The following CPM variants were observed in gnomAD, a reference collection of about 807,000 sequenced individuals.
CPM encodes carboxypeptidase M.
In CPM, 35 loss-of-function variants were observed where a neutral mutation model predicts 46.4. That is an observed-to-expected ratio of 0.75 (90% CI 0.58 to 1.00). CPM has a LOEUF of 1.00. Among genes scored for constraint, CPM ranks in the 50% least tolerant of loss-of-function variants. The pLI is 0.00. For synonymous variants in CPM, 195 were observed against 195.3 expected, an observed-to-expected ratio of 1.00 and a Z score of 0.01; for missense variants, 422 against 530.4, an observed-to-expected ratio of 0.80 and a Z score of 2.01.
At chr12:68,962,690 T>G (rs949513648) in intron 1 of CPM, among the ~76,000 whole-genome samples, 1 of 152,232 alleles carries the variant, frequency 6.6e-6, no homozygotes, top group Non-Finnish European at 1.5e-5. Flanking sequence ...TGCCTCATTG[T>G]ACCCTCTTCC....
downstream of CPM, chr12:68,847,452 C>CTTTCTTTTTTTT (rs1555190285): frequency 1.1e-5 from 1 of 88,722 alleles, no homozygotes; most frequent in African/African-American, 5.6e-5. Flanking sequence ...TATCTCCTTT[C>CTTTCTTTTTTTT]TTTTTTTTTT....
At chr12:68,846,744 C>CT (rs1430607296), downstream of CPM, 4 of 152,084 alleles carry the variant, frequency 2.6e-5, no homozygotes, top group South Asian at 4.2e-4. Flanking sequence ...CTTTTCAAAC[C>CT]TTTTTTGCTT....
intron 2 of CPM, among the ~76,000 whole-genome samples, chr12:68,921,992 T>C (rs1391905724): frequency 1.3e-5 from 2 of 152,170 alleles, no homozygotes; most frequent in Non-Finnish European, 2.9e-5. Context: ...AGAGTATCTG[T>C]TACATGTAAT....
At chr12:68,950,078 G>C (rs1044578360) in intron 1 of CPM, among the ~76,000 whole-genome samples, 14 of 152,162 alleles carry the variant, frequency 9.2e-5, no homozygotes, top group African/African-American at 3.4e-4. Flanking sequence ...CTGGAGTGAG[G>C]GGGCAGACAG....
At chr12:68,873,289 A>C (rs753492396) in intron 3 of CPM, among the ~76,000 whole-genome samples, 31 of 152,206 alleles carry the variant, frequency 2.0e-4, no homozygotes, top group Non-Finnish European at 1.9e-4. Flanking sequence ...TCCTTGGATG[A>C]CCACTTCTCA....
At chr12:68,935,240 TTTATTG>T (rs984319575), upstream of CPM, among the ~76,000 whole-genome samples, 17 of 98,244 alleles carry the variant, frequency 1.7e-4, no homozygotes, top group Non-Finnish European at 2.6e-4. Flanking sequence ...GAGAAGTTGT[TTTATTG>T]TTTGTTTGTT....
chr12:68,905,123 T>C (rs914544889), intron 2 of CPM, among the ~76,000 whole-genome samples: 2 of 152,116 alleles, frequency 1.3e-5, no homozygotes, highest in Non-Finnish European at 1.5e-5. Context: ...TTGGCCAGGC[T>C]GGTCTTGAAC....
At chr12:68,913,785 C>G in intron 2 of CPM, 1 of 572,898 alleles carries the variant, frequency 1.7e-6, no homozygotes, top group Non-Finnish European at 3.3e-6. Context: ...ATGCGGAAAC[C>G]CAGTGTAAAA....
intron 2 of CPM, among the ~76,000 whole-genome samples, chr12:68,918,388 C>T (rs760289859): frequency 4.6e-5 from 7 of 152,190 alleles, no homozygotes; most frequent in Admixed American, 6.5e-5. Context: ...TTGAGCTCCA[C>T]TTATATACCC....
intron 2 of CPM, among the ~76,000 whole-genome samples, chr12:68,928,444 ATC>A (rs1295526472): frequency 2.0e-5 from 3 of 152,226 alleles, no homozygotes; most frequent in Non-Finnish European, 4.4e-5. Context: ...AAATAGGCAG[ATC>A]TGAGTTTGAA....
chr12:68,919,361 C>T (rs573204685), intron 2 of CPM, among the ~76,000 whole-genome samples: 1 of 152,314 alleles, frequency 6.6e-6, no homozygotes, highest in Admixed American at 6.5e-5. Flanking sequence ...AATCTGAACT[C>T]GCCTTGTTTT....
intron 2 of CPM, among the ~76,000 whole-genome samples, chr12:68,886,717 A>G (rs1256949552): frequency 1.3e-5 from 2 of 152,186 alleles, no homozygotes; most frequent in African/African-American, 4.8e-5. Context: ...TGAATTCTGT[A>G]TTTAAATGCT....
Position 68,851,871 on chromosome 12 carries a change from A to G in CPM, c.*4566T>C, listed in dbSNP as rs1884706508. 2 of 152,150 alleles carry G rather than the reference A, an allele frequency of 1.3e-5. No individual in the cohort carries two copies. The highest frequency in any genetic ancestry group is 1.3e-4 in the Admixed American group (2 of 15,274). 9.4% of individuals were successfully genotyped at this position (152,150 alleles called of 1,614,324 possible). A position where few individuals can be genotyped will look rare whatever the true frequency, so the allele number is the denominator to read the frequency against. ...AATTTTCTCCCCCTTCCCCCTTCTA[A>G]AGTCATGAGGAAAATATAAAGGATC... On this transcript the variant is annotated 3_prime_UTR_variant, in exon 9 of 9. Transcript: ENST00000551568.
chr12:68,948,750 C>G (rs575169075), intron 1 of CPM, among the ~76,000 whole-genome samples: 6 of 152,252 alleles, frequency 3.9e-5, no homozygotes, highest in Non-Finnish European at 5.9e-5. Context: ...GATTTGGAAG[C>G]CTGAAATTGC....
intron 7 of CPM, among the ~76,000 whole-genome samples, chr12:68,866,500 C>G (rs540904366): frequency 1.3e-5 from 2 of 152,262 alleles, no homozygotes; most frequent in South Asian, 4.1e-4. Flanking sequence ...TGTGCCACCA[C>G]GCCTGGCTAA....
At chr12:68,882,219 T>C (rs1052560828) in intron 3 of CPM, among the ~76,000 whole-genome samples, 1 of 151,792 alleles carries the variant, frequency 6.6e-6, no homozygotes, top group Non-Finnish European at 1.5e-5. Context: ...AACAGGTAGG[T>C]TTTTATCCTC....
intron 1 of CPM, among the ~76,000 whole-genome samples, chr12:68,946,451 G>A (rs2136333067): frequency 6.6e-6 from 1 of 152,162 alleles, no homozygotes; most frequent in South Asian, 2.1e-4. Context: ...AGATTTATTT[G>A]TGCCTGCAGA....
chr12:68,893,285 G>A (rs77493929), intron 2 of CPM, among the ~76,000 whole-genome samples: 1 of 152,052 alleles, frequency 6.6e-6, no homozygotes, highest in Non-Finnish European at 1.5e-5. Flanking sequence ...CATGCACTGC[G>A]ATTTCTGTAG....
At chr12:68,868,867 C>T (rs1164988314) in intron 6 of CPM, among the ~76,000 whole-genome samples, 1 of 152,160 alleles carries the variant, frequency 6.6e-6, no homozygotes, top group African/African-American at 2.4e-5. Flanking sequence ...GCAGCTGTCC[C>T]TGTTAGATGG....
Sources: allele counts gnomAD v4.1 joint callset (sites outside exome capture counted in the v4.1 genomes callset), GRCh38; gene constraint gnomAD v4.1.1; transcripts MANE v1.5; gene names NCBI Gene and HGNC (gene_info 2026-07-23, HGNC 2026-07-21).